DTNB: variants seen among roughly 807,000 people sequenced by gnomAD.
The protein encoded by DTNB is dystrobrevin beta, also known as DTN-B.
A neutral mutation model predicts 90.7 loss-of-function variants in DTNB; 63 were observed. The observed-to-expected ratio is 0.69, with a 90% CI of 0.57 to 0.86. DTNB has a LOEUF of 0.86. Ranked by LOEUF, DTNB falls within the 40% of genes least tolerant of loss-of-function variation. DTNB has a pLI of 0.00. For missense variants in DTNB, 744 were observed against 807.1 expected, an observed-to-expected ratio of 0.92 and a Z score of 0.95; for synonymous variants, 277 against 286.7, an observed-to-expected ratio of 0.97 and a Z score of 0.34.
intron 16 of DTNB, among the ~76,000 whole-genome samples, chr2:25,418,779 G>A (rs1328682958): frequency 6.6e-6 from 1 of 151,788 alleles, no homozygotes; most frequent in Non-Finnish European, 1.5e-5. Context: ...CAAGGTAAAC[G>A]AAAACTCAGC....
intron 9 of DTNB, among the ~76,000 whole-genome samples, chr2:25,486,292 G>A (rs533439776): frequency 4.6e-5 from 7 of 151,700 alleles, no homozygotes; most frequent in Non-Finnish European, 7.4e-5. Context: ...GCGAAACCCC[G>A]TCTCTACAAA....
intron 8 of DTNB, among the ~76,000 whole-genome samples, chr2:25,558,856 G>GT (rs1271407001): frequency 1.3e-5 from 2 of 152,124 alleles, no homozygotes; most frequent in Admixed American, 6.5e-5. Flanking sequence ...CCTAACCCTT[G>GT]GGGGGCTCTA....
At chr2:25,391,268 T>TC (rs1442071361) in intron 16 of DTNB, among the ~76,000 whole-genome samples, 1 of 152,102 alleles carries the variant, frequency 6.6e-6, no homozygotes, top group Non-Finnish European at 1.5e-5. Flanking sequence ...TTGAATATTA[T>TC]CAAAAGTAAA....
At position 25,502,630 on chromosome 2, in the gene DTNB, TCCCAGC is replaced by T. The variant is rs140946851; in HGVS notation, c.1002-19763_1002-19758del. 7.7e-3 allele frequency among the ~76,000 whole-genome samples: 1,166 copies of T among 151,962 alleles called. 17 individuals carry two copies. The highest frequency in any genetic ancestry group is 0.027 in the African/African-American group (1,111 of 41,432). ...CAGGCACGGTGGCTCATGCCTGTAA[TCCCAGC>T]ACTTTGGGCAGCCAAGGTGGGTGGA... On this transcript the variant is annotated intron_variant, in intron 9 of 20. Transcript: ENST00000406818.
chr2:25,561,796 T>G (rs569440034), intron 8 of DTNB, among the ~76,000 whole-genome samples: 1 of 152,218 alleles, frequency 6.6e-6, no homozygotes, highest in East Asian at 1.9e-4. Context: ...TGAGCAGACA[T>G]TGGTGCCATG....
intron 12 of DTNB, among the ~76,000 whole-genome samples, chr2:25,438,333 T>C (rs2056504651): frequency 6.6e-6 from 1 of 152,208 alleles, no homozygotes; most frequent in South Asian, 2.1e-4. Context: ...CACAAAAAAA[T>C]CTCATAATGT....
chr2:25,660,380 T>C (rs1297846433), intron 1 of DTNB, among the ~76,000 whole-genome samples: 1 of 152,116 alleles, frequency 6.6e-6, no homozygotes, highest in Non-Finnish European at 1.5e-5. Context: ...AATAGGTAAA[T>C]CCATAGCAAC....
chr2:25,597,222 T>C (rs1204025171), intron 5 of DTNB, among the ~76,000 whole-genome samples: 2 of 152,076 alleles, frequency 1.3e-5, no homozygotes, highest in Admixed American at 1.3e-4. Flanking sequence ...TCCCAGCTAC[T>C]TGGGAGGCTG....
chr2:25,594,973 A>C (rs1251733184), intron 6 of DTNB: 3 of 152,184 alleles, frequency 2.0e-5, no homozygotes, highest in African/African-American at 7.2e-5. Flanking sequence ...TTGTGAGTTC[A>C]TTCAGCTTTT....
chr2:25,598,165 C>T (rs2065036351), intron 5 of DTNB, among the ~76,000 whole-genome samples: 1 of 152,182 alleles, frequency 6.6e-6, no homozygotes, highest in Non-Finnish European at 1.5e-5. Flanking sequence ...ACAAACCTAA[C>T]TGAGCCAAAA....
chr2:25,671,312 C>A (rs1415403797), intron 1 of DTNB, among the ~76,000 whole-genome samples: 1 of 152,180 alleles, frequency 6.6e-6, no homozygotes, highest in African/African-American at 2.4e-5. Flanking sequence ...ACTCATCCAA[C>A]CGCACACGGG....
Position 25,428,520 on chromosome 2 carries a change from G to A in DTNB, c.1458-889C>T, listed in dbSNP as rs539636530. Among the ~76,000 whole-genome samples, 6 of 150,096 alleles carry A rather than the reference G, an allele frequency of 4.0e-5. No individual in the cohort carries two copies. The South Asian group carries it at 6.3e-4, about 16-fold the overall frequency. On this transcript the variant is annotated intron_variant, in intron 14 of 20. Coordinates refer to ENST00000406818, the MANE Select transcript of DTNB (RefSeq NM_021907.5). ...CCATCTTGTCTCAACTGCAACCTCC[G>A]CTTCCCCAGTTCAAGTGATTCTCCT...
chr2:25,565,000 G>GT lies in DTNB; in HGVS notation c.876+11837dup, dbSNP rs1298796387. On this transcript the variant is annotated intron_variant, in intron 8 of 20. Coordinates refer to ENST00000406818, the MANE Select transcript of DTNB (RefSeq NM_021907.5). The stretch of plus-strand genomic sequence containing the variant: ...CTTGGTAAATTTATTATCTATAATG[G>GT]TTTTTTGTGTGTGTTAGGATTTTCT... 1.3e-5 allele frequency among the ~76,000 whole-genome samples: 2 copies of GT among 152,038 alleles called. 1 individual carries two copies. Among genetic ancestry groups the GT allele is most frequent in the South Asian group, 4.2e-4 (2 of 4,810 alleles).
chr2:25,396,731 T>TAAAAAAAAAAAA (rs35592591), intron 16 of DTNB, among the ~76,000 whole-genome samples: 2 of 87,630 alleles, frequency 2.3e-5, no homozygotes, highest in Admixed American at 1.3e-4. Flanking sequence ...TAAAAGGAAC[T>TAAAAAAAAAAAA]AAAAAAAAAA....
intron 12 of DTNB, among the ~76,000 whole-genome samples, chr2:25,438,449 G>A (rs2056552678): frequency 6.6e-6 from 1 of 152,244 alleles, no homozygotes; most frequent in Non-Finnish European, 1.5e-5. Context: ...ACCATACAGG[G>A]CCTCTGAGCC....
chr2:25,617,320 G>A (rs933009768), intron 4 of DTNB, among the ~76,000 whole-genome samples: 12 of 152,160 alleles, frequency 7.9e-5, no homozygotes, highest in Non-Finnish European at 1.8e-4. Flanking sequence ...AAATGTGAGC[G>A]GGATGAATTT....
rs894362785 is a variant in DTNB, at chr2:25,475,198, C to G, written c.1079+7598G>C. 2.6e-5 allele frequency among the ~76,000 whole-genome samples: 4 copies of G among 152,348 alleles called. No individual in the cohort carries two copies. The South Asian group carries it at 6.2e-4, about 24-fold the overall frequency. On this transcript the variant is annotated intron_variant, in intron 10 of 20. Transcript: ENST00000406818. ...TGACAGCAAGGCCTCTTGTGCCAAACAGTCAAGCTATGAATGCAAAGGAAA... is the reference window on the plus strand; with the variant it reads ...TGACAGCAAGGCCTCTTGTGCCAAAGAGTCAAGCTATGAATGCAAAGGAAA...
At chr2:25,558,343 AAC>A (rs1356651842) in intron 8 of DTNB, 7 of 985,328 alleles carry the variant, frequency 7.1e-6, no homozygotes, top group Non-Finnish European at 8.4e-6. Context: ...GGTCACAGAG[AAC>A]ACAGTGATCT....
intron 16 of DTNB, chr2:25,419,202 C>A: frequency 2.1e-6 from 1 of 476,086 alleles, no homozygotes; most frequent in Non-Finnish European, 3.8e-6. Context: ...TAAAATCACT[C>A]CAGACACACA....
Sources: gnomAD v4.1 joint callset for allele counts (sites outside exome capture counted in the v4.1 genomes callset) on GRCh38, gnomAD v4.1.1 for gene constraint, MANE v1.5 for transcripts, NCBI Gene and HGNC (gene_info 2026-07-23, HGNC 2026-07-21) for gene names.